Variants in SPAG9 observed in about 807,000 individuals in gnomAD.
The protein encoded by SPAG9 is C-Jun-amino-terminal kinase-interacting protein 4.
Under a neutral mutation model 166.5 loss-of-function variants are expected in SPAG9, and 35 were observed. That is an observed-to-expected ratio of 0.21 (90% CI 0.16 to 0.28). SPAG9 has a LOEUF of 0.28. SPAG9 is among the 10% of genes least tolerant of loss of function. SPAG9 has a pLI of 1.00. For missense variants in SPAG9, 1,235 were observed against 1,603.3 expected, an observed-to-expected ratio of 0.77 and a Z score of 3.92; for synonymous variants, 534 against 565.5, an observed-to-expected ratio of 0.94 and a Z score of 0.79.
intron 1 of SPAG9, among the ~76,000 whole-genome samples, chr17:51,103,905 A>G (rs571218075): frequency 8.5e-5 from 13 of 152,232 alleles, no homozygotes; most frequent in Non-Finnish European, 1.6e-4. Flanking sequence ...ACTGGGATAT[A>G]GTGGTGAATG....
In SPAG9 at chr17:50,993,315, C is replaced by CA. The variant is rs71149333; in HGVS notation, c.2398+448dup. Among the ~76,000 whole-genome samples the CA allele has an allele frequency of 4.2e-3, 338 of 79,706 alleles. 10 individuals are homozygous for CA. Among genetic ancestry groups the CA allele is most frequent in the South Asian group, 0.03 (67 of 2,226 alleles). 52.3% of individuals were successfully genotyped at this position (79,706 alleles called of 152,430 possible). A position where few individuals can be genotyped will look rare whatever the true frequency, so the allele number is the denominator to read the frequency against. On this transcript the variant is annotated intron_variant, in intron 19 of 29. Transcript: ENST00000262013. ...TGGGTGACAGAGTAAGACTCTGTCT[C>CA]AAAAAAAAAAAAAAAAAAAAAGTAG...
intron 1 of SPAG9, among the ~76,000 whole-genome samples, chr17:51,091,929 C>T (rs923749710): frequency 6.6e-6 from 1 of 150,712 alleles, no homozygotes; most frequent in Non-Finnish European, 1.5e-5. Context: ...ACTGTTTCGC[C>T]CCACTGTTCT....
intron 6 of SPAG9, among the ~76,000 whole-genome samples, chr17:51,025,776 C>T (rs1568014372): frequency 6.6e-6 from 1 of 152,006 alleles, no homozygotes; most frequent in Non-Finnish European, 1.5e-5. Flanking sequence ...CCTGTAGTTC[C>T]AGCTACGAGG....
At chr17:51,080,254 G>C (rs1480456337) in intron 1 of SPAG9, among the ~76,000 whole-genome samples, 1 of 150,040 alleles carries the variant, frequency 6.7e-6, no homozygotes, top group African/African-American at 2.5e-5. Flanking sequence ...CTTGATTGTT[G>C]TATCAGCAAC....
At chr17:51,086,276 G>A (rs201626679) in intron 1 of SPAG9, among the ~76,000 whole-genome samples, 71 of 146,568 alleles carry the variant, frequency 4.8e-4, no homozygotes, top group East Asian at 4.4e-3. Context: ...CACCACACCC[G>A]GCTGAAAATC....
intron 3 of SPAG9, among the ~76,000 whole-genome samples, chr17:51,049,165 G>T (rs1053553173): frequency 1.3e-5 from 2 of 151,952 alleles, no homozygotes; most frequent in African/African-American, 4.8e-5. Context: ...TTGAGGCCAG[G>T]AATTTGAGAT....
chr17:51,106,723 G>A (rs551281419), intron 1 of SPAG9, among the ~76,000 whole-genome samples: 3 of 152,246 alleles, frequency 2.0e-5, no homozygotes, highest in African/African-American at 7.2e-5. Flanking sequence ...CTTGAACCTG[G>A]GAGGCGGAGG....
At chr17:51,104,437 G>A (rs534902148) in intron 1 of SPAG9, among the ~76,000 whole-genome samples, 3 of 152,256 alleles carry the variant, frequency 2.0e-5, no homozygotes, top group Admixed American at 2.0e-4. Context: ...GCGAGATCAA[G>A]ACCAGTCTGA....
At chr17:51,046,378 C>A in intron 4 of SPAG9, 1 of 668,532 alleles carries the variant, frequency 1.5e-6, no homozygotes, top group South Asian at 2.0e-5. Flanking sequence ...ATCAAAAATC[C>A]TAGCTTCAGG....
At chr17:51,105,596 C>T (rs1598191186) in intron 1 of SPAG9, among the ~76,000 whole-genome samples, 1 of 152,070 alleles carries the variant, frequency 6.6e-6, no homozygotes, top group African/African-American at 2.4e-5. Flanking sequence ...CTTGGCCGGG[C>T]GCAGTGGCTC....
intron 8 of SPAG9, among the ~76,000 whole-genome samples, chr17:51,017,614 T>C (rs1276931152): frequency 6.6e-6 from 1 of 152,146 alleles, no homozygotes; most frequent in Non-Finnish European, 1.5e-5. Flanking sequence ...TGGGACAAGC[T>C]ACTTTGAACA....
At chr17:51,114,182 C>A (rs539651141) in intron 1 of SPAG9, among the ~76,000 whole-genome samples, 1 of 151,624 alleles carries the variant, frequency 6.6e-6, no homozygotes, top group African/African-American at 2.4e-5. Context: ...AAAAATTAGC[C>A]GGGCGTGCTG....
chr17:50,990,152 C>G (rs540054688), intron 20 of SPAG9: 17 of 518,872 alleles, frequency 3.3e-5, no homozygotes, highest in South Asian at 8.3e-5. Context: ...CTCAGCCTCC[C>G]GAGTAGCTGG....
At position 50,979,783 on chromosome 17, in the gene SPAG9, C is replaced by T; in HGVS notation, c.3372G>A (p.Gln1124=). ...LYHAHTYQHL[Q]DVDIEPYVSK... Reference sequence around the variant, plus strand: ...TTACATAAGGCTCAATGTCCACATCCTGTAGATGTTGATAAGTGTGTGCAT... The same window carrying T: ...TTACATAAGGCTCAATGTCCACATCTTGTAGATGTTGATAAGTGTGTGCAT... The change falls in exon 26 of 30, where the codon CAG becomes CAA. Residue 1124 remains glutamine (Q), a synonymous_variant. Coordinates refer to ENST00000262013, the MANE Select transcript of SPAG9 (RefSeq NM_001130528.3). The T allele has an allele frequency of 6.2e-7, 1 of 1,613,866 alleles. No homozygotes were observed. Among genetic ancestry groups the T allele is most frequent in the East Asian group, 2.2e-5 (1 of 44,880 alleles).
At chr17:50,976,018 T>C (rs1974179051) in intron 27 of SPAG9, 1 of 737,556 alleles carries the variant, frequency 1.4e-6, no homozygotes, top group Non-Finnish European at 2.3e-6. Flanking sequence ...TCAAAGCCCC[T>C]AACGAAAATA....
intron 2 of SPAG9, among the ~76,000 whole-genome samples, chr17:51,071,800 TA>T (rs1282972511): frequency 2.0e-5 from 3 of 152,364 alleles, no homozygotes; most frequent in African/African-American, 7.2e-5. Context: ...CTTGAATTTT[TA>T]TTGTGGCTAT....
intron 8 of SPAG9, among the ~76,000 whole-genome samples, chr17:51,019,229 C>T (rs1049027138): frequency 3.9e-5 from 6 of 152,146 alleles, no homozygotes; most frequent in African/African-American, 1.4e-4. Context: ...CTTGGCCTTC[C>T]TAGCCTCCAG....
At chr17:50,978,192 A>G (rs958327247) in intron 26 of SPAG9, among the ~76,000 whole-genome samples, 1 of 152,240 alleles carries the variant, frequency 6.6e-6, no homozygotes, top group African/African-American at 2.4e-5. Context: ...ACTAGTACTC[A>G]TAAGTTCTAC....
At position 51,061,612 on chromosome 17, in the gene SPAG9, C is replaced by CAAAAAAAAAA. The variant is rs34010166; in HGVS notation, c.425-5140_425-5131dup. Among the ~76,000 whole-genome samples the CAAAAAAAAAA allele has an allele frequency of 1.3e-4, 4 of 31,722 alleles. 1 individual carries two copies. The highest frequency in any genetic ancestry group is 1.8e-4 in the Non-Finnish European group (3 of 16,606). The allele number at this position is 31,722 out of a possible 152,430, so 20.8% of individuals were successfully genotyped here. ...GCAACAAGAGCGAAAGCTCTGTCTC[C>CAAAAAAAAAA]AAAAAAAAAAAAAAAAAAAAAAAAA... is the stretch of plus-strand genomic sequence containing the variant. On this transcript the variant is annotated intron_variant, in intron 2 of 29. Coordinates refer to ENST00000262013, the MANE Select transcript of SPAG9 (RefSeq NM_001130528.3).
Sources: gnomAD v4.1 joint callset for allele counts (sites outside exome capture counted in the v4.1 genomes callset) on GRCh38, gnomAD v4.1.1 for gene constraint, MANE v1.5 for transcripts, NCBI Gene and HGNC (gene_info 2026-07-23, HGNC 2026-07-21) for gene names.